The following CADPS2 variants were observed in gnomAD, a reference collection of about 807,000 sequenced individuals.
The protein encoded by CADPS2 is calcium-dependent secretion activator 2.
In CADPS2, 93 loss-of-function variants were observed where a neutral mutation model predicts 172.5. The ratio of observed to expected loss-of-function variants is 0.54; its 90% confidence interval spans 0.46 to 0.64. The LOEUF (loss-of-function observed/expected upper bound fraction) is 0.64, where lower values mean the gene tolerates loss of function less well. Ranked by LOEUF, CADPS2 falls within the 30% of genes least tolerant of loss-of-function variation. CADPS2 has a pLI of 0.00. For missense variants in CADPS2, 1,420 were observed against 1,565.9 expected, an observed-to-expected ratio of 0.91 and a Z score of 1.57; for synonymous variants, 546 against 555.2, an observed-to-expected ratio of 0.98 and a Z score of 0.23.
At chr7:122,608,209 C>T (rs141337315) in intron 6 of CADPS2, among the ~76,000 whole-genome samples, 2 of 119,894 alleles carry the variant, frequency 1.7e-5, no homozygotes, top group Admixed American at 8.7e-5. Flanking sequence ...AGCGAGACTC[C>T]GTCTAAAAAA....
intron 2 of CADPS2, among the ~76,000 whole-genome samples, chr7:122,726,329 C>T (rs545459333): frequency 3.9e-5 from 6 of 152,054 alleles, no homozygotes; most frequent in South Asian, 2.1e-4. Context: ...AGGAAACAGA[C>T]GAACAATGAC....
chr7:122,514,977 C>A (rs945750172), intron 8 of CADPS2, among the ~76,000 whole-genome samples: 1 of 152,054 alleles, frequency 6.6e-6, no homozygotes, highest in Non-Finnish European at 1.5e-5. Context: ...AGAGTTATGG[C>A]AGATTTAAGT....
At chr7:122,868,140 T>C (rs1818778636) in intron 1 of CADPS2, among the ~76,000 whole-genome samples, 1 of 152,044 alleles carries the variant, frequency 6.6e-6, no homozygotes, top group Non-Finnish European at 1.5e-5. Context: ...ATGCATCGAG[T>C]GCTCCAACTT....
At chr7:122,581,084 T>C in intron 7 of CADPS2, 95 bp downstream of exon 7, 1 of 816,906 alleles carries the variant, frequency 1.2e-6, no homozygotes, top group Non-Finnish European at 2.0e-6. Flanking sequence ...TTTATGAACA[T>C]AAAGTTCACA....
chr7:122,366,519 C>T (rs1223958579), intron 25 of CADPS2, among the ~76,000 whole-genome samples: 1 of 150,002 alleles, frequency 6.7e-6, no homozygotes, highest in Non-Finnish European at 1.5e-5. Context: ...GCAGGAGAAT[C>T]GCTTGAACCT....
intron 2 of CADPS2, among the ~76,000 whole-genome samples, chr7:122,671,466 T>C (rs2081847919): frequency 6.6e-6 from 1 of 152,150 alleles, no homozygotes. Flanking sequence ...TGGTGGCTCA[T>C]GCCTGAAATC....
intron 1 of CADPS2, chr7:122,849,724 A>G (rs1813004451): frequency 2.6e-6 from 1 of 380,606 alleles, no homozygotes; most frequent in African/African-American, 2.2e-5. Flanking sequence ...TAAAAAGCCA[A>G]TACTATTTCT....
chr7:122,734,254 C>T (rs1440583441), intron 2 of CADPS2, among the ~76,000 whole-genome samples: 2 of 144,038 alleles, frequency 1.4e-5, no homozygotes, highest in Admixed American at 7.2e-5. Context: ...TTTAATTTCT[C>T]TGATGTCTGA....
intron 1 of CADPS2, among the ~76,000 whole-genome samples, chr7:122,802,615 C>T (rs1367121484): frequency 6.6e-6 from 1 of 152,226 alleles, no homozygotes; most frequent in East Asian, 1.9e-4. Flanking sequence ...CCCTCTAGCA[C>T]TCCCATCAGA....
chr7:122,624,873 C>T (rs1305978081), intron 4 of CADPS2, among the ~76,000 whole-genome samples: 2 of 151,984 alleles, frequency 1.3e-5, no homozygotes, highest in Non-Finnish European at 2.9e-5. Flanking sequence ...ACTTAGTAAA[C>T]AAGGAAATAA....
chr7:122,719,680 G>A lies in CADPS2; in HGVS notation c.453+17275C>T, dbSNP rs536042881. 2.0e-5 allele frequency among the ~76,000 whole-genome samples: 3 copies of A among 152,160 alleles called. No homozygotes were observed. The South Asian group carries it at 6.2e-4, about 32-fold the overall frequency. ...CACATAAATTTATTAGGAAAGTAGAGAATCAGGTCGGCAATTAAATTCTAT... is the reference window on the plus strand; with the variant it reads ...CACATAAATTTATTAGGAAAGTAGAAAATCAGGTCGGCAATTAAATTCTAT... On this transcript the variant is annotated intron_variant, in intron 2 of 29. Coordinates refer to ENST00000449022, the MANE Select transcript of CADPS2 (RefSeq NM_017954.11).
chr7:122,773,700 T>C (rs1332023448), intron 1 of CADPS2, among the ~76,000 whole-genome samples: 1 of 152,104 alleles, frequency 6.6e-6, no homozygotes, highest in African/African-American at 2.4e-5. Context: ...ATTGCTTTAA[T>C]CACAGAAAAG....
chr7:122,443,166 T>G (rs148152146), intron 15 of CADPS2, among the ~76,000 whole-genome samples: 33 of 152,324 alleles, frequency 2.2e-4, no homozygotes, highest in African/African-American at 7.5e-4. Flanking sequence ...CCAGATTACA[T>G]TTAGCATTTC....
intron 25 of CADPS2, among the ~76,000 whole-genome samples, chr7:122,368,805 C>T (rs1357120622): frequency 6.6e-6 from 1 of 152,082 alleles, no homozygotes; most frequent in Non-Finnish European, 1.5e-5. Flanking sequence ...AGATGCAGGC[C>T]ACCAGCAGGC....
At chr7:122,454,447 AATAAT>A (rs147095223) in intron 14 of CADPS2, among the ~76,000 whole-genome samples, 2,782 of 152,294 alleles carry the variant, frequency 0.018, 79 homozygotes, top group African/African-American at 0.064. Context: ...TTTGATAGAA[AATAAT>A]AACGAGCAAT....
chr7:122,537,993 G>A (rs1426887437), intron 8 of CADPS2, among the ~76,000 whole-genome samples: 8 of 151,376 alleles, frequency 5.3e-5, no homozygotes. Context: ...AATTTAAACC[G>A]ATCAACAATT....
chr7:122,630,837 C>A (rs755898088), intron 3 of CADPS2, among the ~76,000 whole-genome samples: 62 of 151,962 alleles, frequency 4.1e-4, no homozygotes, highest in African/African-American at 8.2e-4. Flanking sequence ...TTTTAAAAAA[C>A]CAAATTCATT....
chr7:122,844,569 T>G (rs1185745858), intron 1 of CADPS2, among the ~76,000 whole-genome samples: 1 of 152,250 alleles, frequency 6.6e-6, no homozygotes, highest in African/African-American at 2.4e-5. Context: ...GGAAATATTT[T>G]AGAAGACTGG....
chr7:122,709,138 A>C (rs1273142799), intron 2 of CADPS2, among the ~76,000 whole-genome samples: 1 of 152,072 alleles, frequency 6.6e-6, no homozygotes, highest in Non-Finnish European at 1.5e-5. Flanking sequence ...TCTCATTATT[A>C]AGATCCAAGG....
Sources: gnomAD v4.1 joint callset for allele counts (sites outside exome capture counted in the v4.1 genomes callset) on GRCh38, gnomAD v4.1.1 for gene constraint, MANE v1.5 for transcripts, NCBI Gene and HGNC (gene_info 2026-07-23, HGNC 2026-07-21) for gene names.